ASH1L: variants seen among roughly 807,000 people sequenced by gnomAD.
The protein encoded by ASH1L is ASH1 like histone lysine methyltransferase, also known as histone-lysine N-methyltransferase ASH1L.
A neutral mutation model predicts 269.0 loss-of-function variants in ASH1L; 23 were observed. The observed-to-expected ratio is 0.09, with a 90% CI of 0.06 to 0.12. The LOEUF (loss-of-function observed/expected upper bound fraction) is 0.12. Ranked by LOEUF, ASH1L falls within the 10% of genes least tolerant of loss-of-function variation. The pLI, the probability that ASH1L is intolerant of heterozygous loss-of-function variation, is 1.00. For missense variants in ASH1L, 2,912 were observed against 3,567.8 expected (o/e 0.82, Z 4.68); for synonymous variants, 1,187 against 1,253.5 (o/e 0.95, Z 1.12).
intron 3 of ASH1L, among the ~76,000 whole-genome samples, chr1:155,470,595 AGGCC>A (rs994141460): frequency 5.8e-5 from 8 of 137,096 alleles, no homozygotes; most frequent in Non-Finnish European, 1.1e-4. Context: ...TCTGTTGCCC[AGGCC>A]GGAGTGCAAT....
intron 2 of ASH1L, among the ~76,000 whole-genome samples, chr1:155,498,356 G>A (rs1489524096): frequency 1.3e-5 from 2 of 152,092 alleles, no homozygotes; most frequent in African/African-American, 4.8e-5. Context: ...TGTTACCTCA[G>A]CCTCCTGAGA....
intron 7 of ASH1L, among the ~76,000 whole-genome samples, chr1:155,386,732 A>C (rs1394452840): frequency 6.6e-6 from 1 of 151,772 alleles, no homozygotes; most frequent in Non-Finnish European, 1.5e-5. Context: ...TGTATATTTA[A>C]GTTCCTTATA....
At chr1:155,384,008 G>C (rs186337199) in intron 7 of ASH1L, among the ~76,000 whole-genome samples, 1 of 152,138 alleles carries the variant, frequency 6.6e-6, no homozygotes, top group African/African-American at 2.4e-5. Flanking sequence ...AAATTGGATG[G>C]TCTGTGAATT....
chr1:155,420,991 C>T (rs1660629342), intron 5 of ASH1L, among the ~76,000 whole-genome samples: 1 of 150,810 alleles, frequency 6.6e-6, no homozygotes, highest in Non-Finnish European at 1.5e-5. Context: ...AATCCCAGCA[C>T]TTTGGGAGGC....
At chr1:155,488,129 C>A (rs1666453095) in intron 2 of ASH1L, among the ~76,000 whole-genome samples, 1 of 149,456 alleles carries the variant, frequency 6.7e-6, no homozygotes, top group African/African-American at 2.5e-5. Flanking sequence ...TCGTGATCCA[C>A]CCGCCTCAGC....
chr1:155,498,918 A>T (rs1667329333), intron 2 of ASH1L, among the ~76,000 whole-genome samples: 1 of 129,480 alleles, frequency 7.7e-6, no homozygotes, highest in African/African-American at 3.4e-5. Context: ...GAACAGGAGT[A>T]AAAAAAAAAA....
intron 26 of ASH1L, 95 bp from the exon 27 acceptor site, chr1:155,338,485 C>A (rs1570933287): frequency 1.3e-5 from 15 of 1,167,448 alleles, no homozygotes; most frequent in Non-Finnish European, 1.8e-5. Context: ...ATCCTGGAGT[C>A]CAGCAGTTAG....
chr1:155,559,352 A>G (rs2148929624), intron 1 of ASH1L, among the ~76,000 whole-genome samples: 1 of 152,172 alleles, frequency 6.6e-6, no homozygotes, highest in Admixed American at 6.5e-5. Flanking sequence ...CCTGACCAAC[A>G]TGGAGAAACG....
intron 2 of ASH1L, among the ~76,000 whole-genome samples, chr1:155,483,098 A>G (rs1462959817): frequency 6.6e-6 from 1 of 152,196 alleles, no homozygotes; most frequent in African/African-American, 2.4e-5. Context: ...TAAAATGCTA[A>G]TTCATGAATC....
At chr1:155,536,733 T>TA (rs1055837741) in intron 1 of ASH1L, among the ~76,000 whole-genome samples, 8 of 149,328 alleles carry the variant, frequency 5.4e-5, no homozygotes, top group African/African-American at 1.7e-4. Flanking sequence ...AACCAGTCTC[T>TA]AAAAAAAGTT....
rs745751952 is a variant in ASH1L at position 155,338,395 on chromosome 1, C to T, written c.8502-5G>A. The T allele has an allele frequency of 6.2e-7, 1 of 1,608,590 alleles. No individual in the cohort carries two copies. The highest frequency in any genetic ancestry group is 1.3e-5 in the African/African-American group (1 of 74,692). ...CGCTCAGACTTCCAGGATGATCTGC[C>T]AGAAGGATATCTGAATTTAGTGTAA... On this transcript the variant is annotated splice_region_variant and splice_polypyrimidine_tract_variant and intron_variant, in intron 26 of 27. Coordinates refer to ENST00000392403, the MANE Select transcript of ASH1L (RefSeq NM_018489.3).
At chr1:155,466,159 C>CT (rs1664682583) in intron 3 of ASH1L, among the ~76,000 whole-genome samples, 1 of 152,120 alleles carries the variant, frequency 6.6e-6, no homozygotes, top group Non-Finnish European at 1.5e-5. Context: ...TTGAGACCAT[C>CT]TTGGCTAACA....
rs1000156303 is a variant in ASH1L, at chr1:155,373,753, G to A, written c.6333-2770C>T. Among the ~76,000 whole-genome samples, 3 of 152,038 alleles carry A rather than the reference G, an allele frequency of 2.0e-5. No individual in the cohort carries two copies. The East Asian group carries it at 5.8e-4, about 30-fold the overall frequency. The stretch of plus-strand genomic sequence containing the variant: ...CATGATCTTGGCTCACTGCAGCCTC[G>A]ACCTCCTGGGCTCAGGTGATTTTCT... On this transcript the variant is annotated intron_variant, in intron 10 of 27. Transcript: ENST00000392403.
chr1:155,339,460 G>T, intron 25 of ASH1L, 92 bp from the exon 26 acceptor site: 1 of 1,112,718 alleles, frequency 9.0e-7, no homozygotes, highest in Non-Finnish European at 1.3e-6. Flanking sequence ...AACACAGTAG[G>T]GCAGTAGACA....
intron 3 of ASH1L, 100 bp downstream of exon 3, chr1:155,477,782 CAAAA>C: frequency 3.6e-6 from 4 of 1,124,970 alleles, no homozygotes; most frequent in Non-Finnish European, 4.7e-6. Flanking sequence ...TATTAAAAAA[CAAAA>C]AAAGATATAT....
At chr1:155,532,889 A>ATATG (rs958380304) in intron 1 of ASH1L, among the ~76,000 whole-genome samples, 3 of 142,752 alleles carry the variant, frequency 2.1e-5, no homozygotes, top group African/African-American at 5.8e-5. Flanking sequence ...ATGTATATAT[A>ATATG]TATGTATGTA....
At chr1:155,419,756 A>G (rs563507229) in intron 5 of ASH1L, among the ~76,000 whole-genome samples, 2 of 152,326 alleles carry the variant, frequency 1.3e-5, no homozygotes, top group South Asian at 2.1e-4. Context: ...TGCTTTCATC[A>G]TATATGTTCA....
intron 5 of ASH1L, among the ~76,000 whole-genome samples, chr1:155,424,462 A>G (rs1341048721): frequency 6.6e-6 from 1 of 151,176 alleles, no homozygotes; most frequent in Admixed American, 6.6e-5. Flanking sequence ...CGCTGGAGTG[A>G]GATGGTGCGA....
At chr1:155,492,206 G>A (rs1407791472) in intron 2 of ASH1L, among the ~76,000 whole-genome samples, 2 of 151,360 alleles carry the variant, frequency 1.3e-5, no homozygotes, top group African/African-American at 4.9e-5. Flanking sequence ...TGCACAGAAT[G>A]CCTGGCTAAT....
Sources: allele counts gnomAD v4.1 joint callset (sites outside exome capture counted in the v4.1 genomes callset), GRCh38; gene constraint gnomAD v4.1.1; transcripts MANE v1.5; gene names NCBI Gene and HGNC (gene_info 2026-07-23, HGNC 2026-07-21).